ADCYAP1R1: variants seen among roughly 807,000 people sequenced by gnomAD.
ADCYAP1R1 encodes pituitary adenylate cyclase-activating polypeptide type I receptor.
Under a neutral mutation model 67.6 loss-of-function variants are expected in ADCYAP1R1, and 44 were observed. The observed-to-expected ratio is 0.65, with a 90% CI of 0.51 to 0.84. The LOEUF is 0.84. ADCYAP1R1 is among the 40% of genes least tolerant of loss of function. The pLI, the probability that ADCYAP1R1 is intolerant of heterozygous loss-of-function variation, is 0.00. For synonymous variants in ADCYAP1R1, 222 were observed against 219.6 expected (o/e 1.01, Z -0.10); for missense variants, 477 against 587.9 (o/e 0.81, Z 1.95).
intron 13 of ADCYAP1R1, among the ~76,000 whole-genome samples, chr7:31,097,889 G>A (rs1220944670): frequency 6.6e-6 from 1 of 152,114 alleles, no homozygotes; most frequent in African/African-American, 2.4e-5. Flanking sequence ...CCGTAGGAGA[G>A]AATAACCAAT....
chr7:31,089,024 G>T (rs945194537), intron 12 of ADCYAP1R1, among the ~76,000 whole-genome samples: 1 of 152,128 alleles, frequency 6.6e-6, no homozygotes, highest in Non-Finnish European at 1.5e-5. Flanking sequence ...CTTTCTTATA[G>T]AGTCATTTTG....
intron 13 of ADCYAP1R1, chr7:31,095,784 T>C: frequency 1.4e-6 from 1 of 717,086 alleles, no homozygotes; most frequent in Non-Finnish European, 2.6e-6. Context: ...GTGATAAGGG[T>C]TTGTCCTCCA....
chr7:31,063,362 T>C (rs73688749), intron 2 of ADCYAP1R1, 47 bp downstream of exon 2: 185,801 of 1,607,992 alleles, frequency 0.12, 11,462 homozygotes, highest in African/African-American at 0.19. Flanking sequence ...CTCACCTGAG[T>C]CCCCGCTCCA....
In ADCYAP1R1 at chr7:31,082,248, G is replaced by A. The variant is rs532581273; in HGVS notation, c.328+494G>A. On this transcript the variant is annotated intron_variant, in intron 6 of 15. Transcript: ENST00000304166. ...TCGGGAAACGCTGCCCAAAAGTTTCGTGTTCCTGTGCAGTTACTGGGGCGA... is the reference window on the plus strand; with the variant it reads ...TCGGGAAACGCTGCCCAAAAGTTTCATGTTCCTGTGCAGTTACTGGGGCGA... Among the ~76,000 whole-genome samples, 4 of 152,278 alleles carry A rather than the reference G, an allele frequency of 2.6e-5. No homozygotes were observed. In the South Asian group the frequency reaches 6.2e-4, roughly 24 times the overall value.
chr7:31,082,141 G>A (rs779473086), intron 6 of ADCYAP1R1, among the ~76,000 whole-genome samples: 21 of 152,272 alleles, frequency 1.4e-4, no homozygotes, highest in Non-Finnish European at 2.9e-4. Context: ...AATTTATTCC[G>A]CCTGGGGTGG....
At chr7:31,063,419 C>CAGAAATACCAGCCAGA in intron 2 of ADCYAP1R1, 104 bp downstream of exon 2, 2 of 1,334,256 alleles carry the variant, frequency 1.5e-6, no homozygotes, top group Non-Finnish European at 2.1e-6. Context: ...CTTCATCTGG[C>CAGAAATACCAGCCAGA]TGGTATTTCT....
intron 2 of ADCYAP1R1, 25 bp downstream of exon 2, chr7:31,063,340 G>T: frequency 1.9e-6 from 3 of 1,613,908 alleles, no homozygotes; most frequent in Non-Finnish European, 2.5e-6. Context: ...ACATCTCTCT[G>T]GGAGCCCCAG....
At chr7:31,100,870 C>G (rs975624647) in intron 13 of ADCYAP1R1, among the ~76,000 whole-genome samples, 1 of 152,206 alleles carries the variant, frequency 6.6e-6, no homozygotes, top group Non-Finnish European at 1.5e-5. Context: ...ACTTAAGGTG[C>G]CATTGCTCCC....
chr7:31,082,407 T>C (rs1197678539), intron 6 of ADCYAP1R1, among the ~76,000 whole-genome samples: 1 of 152,090 alleles, frequency 6.6e-6, no homozygotes, highest in Non-Finnish European at 1.5e-5. Flanking sequence ...GGTTTATACT[T>C]CTCTGAGCCC....
In ADCYAP1R1 at chr7:31,096,188, C is replaced by T. The variant is rs534154654; in HGVS notation, c.1046+3453C>T. On this transcript the variant is annotated intron_variant, in intron 13 of 15. Transcript: ENST00000304166. ...CCCCTGCCTTGAAGTGAGCCGGCTTCATTCTAGGGGTCTCCTCCCTGGAAG... is the reference window on the plus strand; with the variant it reads ...CCCCTGCCTTGAAGTGAGCCGGCTTTATTCTAGGGGTCTCCTCCCTGGAAG... Among the ~76,000 whole-genome samples, 3 of 152,268 alleles carry T rather than the reference C, an allele frequency of 2.0e-5. No individual in the cohort carries two copies. The South Asian group carries it at 6.2e-4, about 32-fold the overall frequency.
At chr7:31,080,041 A>G (rs990846046) in intron 4 of ADCYAP1R1, among the ~76,000 whole-genome samples, 14 of 152,260 alleles carry the variant, frequency 9.2e-5, no homozygotes, top group African/African-American at 3.4e-4. Context: ...TTTATTGAAC[A>G]TCTACTCTGG....
intron 13 of ADCYAP1R1, chr7:31,095,548 G>A (rs1796152030): frequency 1.4e-6 from 1 of 700,400 alleles, no homozygotes; most frequent in African/African-American, 1.8e-5. Context: ...TGAATGGGGG[G>A]AGAGGGAGAT....
intron 3 of ADCYAP1R1, 28 bp from the exon 4 acceptor site, chr7:31,077,963 C>T (rs540640884): frequency 1.3e-6 from 2 of 1,545,934 alleles, no homozygotes; most frequent in South Asian, 2.4e-5. Flanking sequence ...GTGGCTGGCC[C>T]CTCTCACCAT....
intron 1 of ADCYAP1R1, among the ~76,000 whole-genome samples, chr7:31,054,730 A>G (rs972160982): frequency 1.3e-5 from 2 of 152,322 alleles, no homozygotes; most frequent in Admixed American, 6.5e-5. Flanking sequence ...GGGCAGAACC[A>G]AGGTGTGCCA....
At chr7:31,060,501 G>GGTGTGT (rs61249603) in intron 1 of ADCYAP1R1, among the ~76,000 whole-genome samples, 23 of 149,248 alleles carry the variant, frequency 1.5e-4, no homozygotes, top group South Asian at 1.1e-3. Flanking sequence ...GTGTGTGTGT[G>GGTGTGT]GTGTGTGTGT....
intron 12 of ADCYAP1R1, among the ~76,000 whole-genome samples, chr7:31,088,037 C>G (rs945489736): frequency 1.3e-5 from 2 of 152,126 alleles, no homozygotes; most frequent in Non-Finnish European, 2.9e-5. Flanking sequence ...TTGCAAAAAC[C>G]CTTTAACAAT....
intron 14 of ADCYAP1R1, 34 bp downstream of exon 14, chr7:31,103,400 T>TGG (rs766202657): frequency 2.2e-5 from 36 of 1,613,632 alleles, no homozygotes; most frequent in Non-Finnish European, 4.2e-6. Flanking sequence ...CAGAACTCAC[T>TGG]GGGAGCCAGG....
chr7:31,076,980 T>C (rs1474987938), intron 3 of ADCYAP1R1, among the ~76,000 whole-genome samples: 2 of 152,086 alleles, frequency 1.3e-5, no homozygotes, highest in African/African-American at 2.4e-5. Context: ...ACACCTGTGA[T>C]GTTGTGCAGC....
At chr7:31,074,294 C>G (rs1040679612) in intron 3 of ADCYAP1R1, among the ~76,000 whole-genome samples, 41 of 152,274 alleles carry the variant, frequency 2.7e-4, no homozygotes, top group South Asian at 1.5e-3. Flanking sequence ...GCCGTTTCCC[C>G]TCACTCTATC....
Sources: gnomAD v4.1 joint callset for allele counts (sites outside exome capture counted in the v4.1 genomes callset) on GRCh38, gnomAD v4.1.1 for gene constraint, MANE v1.5 for transcripts, NCBI Gene and HGNC (gene_info 2026-07-23, HGNC 2026-07-21) for gene names.